The following GPR143 variants were observed in gnomAD, a reference collection of about 807,000 sequenced individuals.
GPR143 encodes G protein-coupled receptor 143, also known as G-protein coupled receptor 143.
A neutral mutation model predicts 27.6 loss-of-function variants in GPR143; 8 were observed. The observed-to-expected ratio is 0.29, with a 90% confidence interval of 0.17 to 0.52. GPR143 has a LOEUF of 0.52. GPR143 is among the 20% of genes least tolerant of loss of function. The pLI, the probability that GPR143 is intolerant of heterozygous loss-of-function variation, is 0.96. For synonymous variants in GPR143, 156 were observed against 153.2 expected, an observed-to-expected ratio of 1.02 and a Z score of -0.13; for missense variants, 303 against 343.1, an observed-to-expected ratio of 0.88 and a Z score of 0.92.
Position 9,745,027 on chromosome X carries a change from G to T in GPR143, c.658+1017C>A, listed in dbSNP as rs1238556185. ...GGCACTTTGGGAGGCCAAGGTGGGT[G>T]GATCACCCGAGGTCAGGAGTTTAAG... is the stretch of plus-strand genomic sequence containing the variant. On this transcript the variant is annotated intron_variant, in intron 5 of 8. Coordinates refer to ENST00000467482, the MANE Select transcript of GPR143 (RefSeq NM_000273.3). Among the ~76,000 whole-genome samples the T allele has an allele frequency of 2.7e-5, 3 of 112,092 alleles. No homozygotes were observed. In the Admixed American group the frequency reaches 2.8e-4, roughly 11 times the overall value.
At chrX:9,765,879 TGCTGGGCGG>T (rs2083530649), upstream of GPR143, 4 of 992,442 alleles carry the variant, frequency 4.0e-6, no homozygotes, top group Non-Finnish European at 2.6e-6. Flanking sequence ...CTGGGTCATG[TGCTGGGCGG>T]GCTGGGGGCG....
chrX:9,727,509 G>A (rs1411124905), intron 8 of GPR143, among the ~76,000 whole-genome samples: 1 of 112,719 alleles, frequency 8.9e-6, no homozygotes, highest in East Asian at 2.8e-4. Context: ...GCCGAGCGAG[G>A]CCTGGGCGGG....
rs752477509 is a variant in GPR143, at chrX:9,771,709, C to CTTTTTTTTT, written c.-2-10884_-2-10883insAAAAAAAAA. ...CCAACTAAGCCATGGAGCATTCTCT[C>CTTTTTTTTT]TCTTTTTTTTTTTTTTTTGGATGGA... On this transcript the variant is annotated intron_variant, in intron 1 of 7. Transcript: ENST00000447366. Among the ~76,000 whole-genome samples, 9 of 92,818 alleles carry CTTTTTTTTT rather than the reference C, an allele frequency of 9.7e-5. 3 individuals carry two copies. Among genetic ancestry groups the CTTTTTTTTT allele is most frequent in the Non-Finnish European group, 2.1e-5 (1 of 48,104 alleles). The allele number at this position is 92,818 out of a possible 115,157, so 80.6% of individuals were successfully genotyped here.
At chrX:9,771,711 C>CTT (rs58257808) in intron 1 of GPR143, among the ~76,000 whole-genome samples, 3 of 94,632 alleles carry the variant, frequency 3.2e-5, no homozygotes, top group East Asian at 3.4e-4. Flanking sequence ...CATTCTCTCT[C>CTT]TTTTTTTTTT....
intron 6 of GPR143, 103 bp downstream of exon 6, chrX:9,743,462 G>C (rs957941867): frequency 7.3e-6 from 4 of 550,580 alleles, no homozygotes; most frequent in South Asian, 7.2e-5. Context: ...CTTCCCAAAG[G>C]CTCTTCCCTT....
At chrX:9,753,419 A>AG (rs2083460482) in intron 3 of GPR143, among the ~76,000 whole-genome samples, 1 of 110,502 alleles carries the variant, frequency 9.0e-6, no homozygotes, top group Non-Finnish European at 1.9e-5. Flanking sequence ...TGAAAAAAAA[A>AG]AAAAAAACCC....
intron 3 of GPR143, among the ~76,000 whole-genome samples, chrX:9,753,640 G>C (rs1354624129): frequency 9.0e-6 from 1 of 111,294 alleles, no homozygotes; most frequent in South Asian, 3.8e-4. Context: ...GGACATGAAC[G>C]TGGGGTTCCT....
At chrX:9,765,916 C>A (rs1350567547), upstream of GPR143, 29 of 854,903 alleles carry the variant, frequency 3.4e-5, no homozygotes, top group Non-Finnish European at 4.2e-5. Context: ...GTGCCCTGGG[C>A]CTCTCCCCCA....
chrX:9,740,020 G>A (rs1411452932), intron 7 of GPR143, among the ~76,000 whole-genome samples: 1 of 109,590 alleles, frequency 9.1e-6, no homozygotes, highest in African/African-American at 3.3e-5. Context: ...GAGGACAAGA[G>A]AGAGGAGGGA....
intron 8 of GPR143, among the ~76,000 whole-genome samples, chrX:9,726,602 G>C (rs1245128777): frequency 4.5e-5 from 5 of 112,044 alleles, no homozygotes; most frequent in Non-Finnish European, 9.4e-5. Context: ...CCCTTCATGA[G>C]AAATCGCTGG....
chrX:9,748,689 G>C (rs1915824899), intron 3 of GPR143, 23 bp from the exon 4 acceptor site: 2 of 1,080,024 alleles, frequency 1.9e-6, no homozygotes, highest in African/African-American at 3.6e-5. Context: ...CACAACAGCA[G>C]CCACAGCTCA....
rs752477509 is a variant in GPR143 at position 9,771,709 on chromosome X, C to CTTTTTTTTTTTTTTTTTTTTTT, written c.-2-10884_-2-10883insAAAAAAAAAAAAAAAAAAAAAA. 4.3e-5 allele frequency among the ~76,000 whole-genome samples: 4 copies of CTTTTTTTTTTTTTTTTTTTTTT among 92,818 alleles called. 2 individuals are homozygous for CTTTTTTTTTTTTTTTTTTTTTT. The highest frequency in any genetic ancestry group is 4.2e-5 in the Non-Finnish European group (2 of 48,104). The allele number at this position is 92,818 out of a possible 115,157, so 80.6% of individuals were successfully genotyped here. A position where few individuals can be genotyped will look rare whatever the true frequency, so the allele number is the denominator to read the frequency against. On this transcript the variant is annotated intron_variant, in intron 1 of 7. Transcript: ENST00000447366. ...CCAACTAAGCCATGGAGCATTCTCTCTCTTTTTTTTTTTTTTTTGGATGGA... is the reference window on the plus strand; with the variant it reads ...CCAACTAAGCCATGGAGCATTCTCTCTTTTTTTTTTTTTTTTTTTTTTTCTTTTTTTTTTTTTTTTGGATGGA...
chrX:9,760,801 C>A lies in GPR143; in HGVS notation c.276G>T (p.Trp92Cys), dbSNP rs750922415. ...TGTCAACAAAATTTGGGAATCCTAA[C>A]CACACGGTGGACCGGATCACCATAC... ...CLGMVIRSTV[W>C]LGFPNFVDSV... Residue 92 changes from tryptophan (W) to cysteine (C), a missense_variant, in exon 2 of 9, where the codon TGG becomes TGT. Physicochemically the swap from Trp to Cys is radical, Grantham distance 215 (BLOSUM62 -2). Transcript: ENST00000467482. The A allele has an allele frequency of 7.8e-6, 9 of 1,155,205 alleles. No homozygotes were observed. The African/African-American group carries it at 1.1e-4, about 14-fold the overall frequency.
intron 8 of GPR143, among the ~76,000 whole-genome samples, chrX:9,735,386 GCTAA>G (rs2083374898): frequency 9.0e-6 from 1 of 111,017 alleles, no homozygotes; most frequent in Non-Finnish European, 1.9e-5. Flanking sequence ...GACTTTCTAT[GCTAA>G]CTCTCAACAC....
chrX:9,760,096 AT>A (rs975447321), intron 2 of GPR143, among the ~76,000 whole-genome samples: 14 of 110,819 alleles, frequency 1.3e-4, no homozygotes, highest in African/African-American at 4.6e-4. Flanking sequence ...ATGTGGTTTT[AT>A]TTTTTTTCTT....
chrX:9,773,104 C>A (rs756200012), intron 1 of GPR143, among the ~76,000 whole-genome samples: 1 of 111,813 alleles, frequency 8.9e-6, no homozygotes, highest in South Asian at 3.7e-4. Context: ...CGGTGTTTTA[C>A]ATGTAAATTC....
At chrX:9,770,785 C>CT (rs1385145483), upstream of GPR143, among the ~76,000 whole-genome samples, 2 of 111,773 alleles carry the variant, frequency 1.8e-5, no homozygotes, top group African/African-American at 6.5e-5. Context: ...CACAATGTGC[C>CT]TTAAACTCTG....
chrX:9,750,060 C>T (rs748107574), intron 3 of GPR143, among the ~76,000 whole-genome samples: 29 of 112,670 alleles, frequency 2.6e-4, no homozygotes, highest in Non-Finnish European at 4.9e-4. Flanking sequence ...GCCATAGCGG[C>T]GGCCCTTTCT....
At chrX:9,766,327 T>C (rs2083533304), upstream of GPR143, 1 of 112,052 alleles carries the variant, frequency 8.9e-6, no homozygotes, top group Non-Finnish European at 1.9e-5. Context: ...TTTTCCTAAG[T>C]AGAGATGGTT....
Sources: allele counts gnomAD v4.1 joint callset (sites outside exome capture counted in the v4.1 genomes callset), GRCh38; gene constraint gnomAD v4.1.1; transcripts MANE v1.5; gene names NCBI Gene and HGNC (gene_info 2026-07-23, HGNC 2026-07-21).